KHDC1L: variants seen among roughly 807,000 people sequenced by gnomAD.
KHDC1L encodes the protein KHDC1-like protein.
In KHDC1L, 5 loss-of-function variants were observed where a neutral mutation model predicts 11.2. The ratio of observed to expected loss-of-function variants is 0.45; its 90% CI spans 0.23 to 0.94. KHDC1L has a LOEUF of 0.94. KHDC1L is among the 40% of genes least tolerant of loss of function. The pLI is 0.22. For synonymous variants in KHDC1L, 66 were observed against 62.7 expected (o/e 1.05, Z -0.25); for missense variants, 168 against 165.8 (o/e 1.01, Z -0.07).
At chr6:73,223,911 C>T in intron 2 of KHDC1L, 72 bp from the exon 3 acceptor site, 2 of 1,295,504 alleles carry the variant, frequency 1.5e-6, no homozygotes, top group Non-Finnish European at 2.2e-6. Context: ...CCAGACTCCA[C>T]CAGGAAGGTT....
intron 2 of KHDC1L, 56 bp downstream of exon 2, chr6:73,224,110 A>C (rs1389246045): frequency 2.0e-6 from 3 of 1,488,796 alleles, no homozygotes; most frequent in South Asian, 1.4e-5. Context: ...CACACAACAC[A>C]GCCAGAACTC....
Position 73,225,281 on chromosome 6 carries a change from G to A in KHDC1L, c.112+16C>T. On this transcript the variant is annotated intron_variant, in intron 1 of 2. Transcript: ENST00000370388. The stretch of plus-strand genomic sequence containing the variant: ...AAAAACAGATGAAGGAGGGGACGTG[G>A]GCAAAGGCCACTCACCGAAGATGAG... 1.2e-6 allele frequency: 2 copies of A among 1,610,522 alleles called. No homozygotes were observed. Among genetic ancestry groups the A allele is most frequent in the Non-Finnish European group, 1.7e-6 (2 of 1,177,472 alleles).
chr6:73,225,271 AG>A (rs1384774123), intron 1 of KHDC1L, 25 bp downstream of exon 1: 6 of 1,597,946 alleles, frequency 3.8e-6, no homozygotes, highest in Middle Eastern at 1.7e-4. Context: ...CAGATGAAGG[AG>A]GGGACGTGGG....
intron 1 of KHDC1L, among the ~76,000 whole-genome samples, chr6:73,225,000 G>A (rs1209351009): frequency 2.0e-5 from 3 of 149,460 alleles, no homozygotes; most frequent in African/African-American, 7.4e-5. Context: ...AGAGAATGGC[G>A]TGAACCCGGG....
Position 73,223,697 on chromosome 6 carries a change from A to G in KHDC1L, c.*51T>C. ...CTTCAGTGTTTTTCATGTCTTTCTC[A>G]CCAAAAGCGAAGCCAAGACTTCTCC... On this transcript the variant is annotated 3_prime_UTR_variant, in exon 3 of 3. Transcript: ENST00000370388. The G allele has an allele frequency of 6.8e-7, 1 of 1,467,648 alleles. No individual in the cohort carries two copies. The highest frequency in any genetic ancestry group is 1.4e-5 in the African/African-American group (1 of 71,876). 90.9% of individuals were successfully genotyped at this position (1,467,648 alleles called of 1,614,324 possible). A position where few individuals can be genotyped will look rare whatever the true frequency, so the allele number is the denominator to read the frequency against.
rs1376779139 is a variant in KHDC1L at position 73,224,245 on chromosome 6, G to A, written c.216C>T (p.Val72=). The A allele has an allele frequency of 8.2e-6, 13 of 1,583,804 alleles. No homozygotes were observed. Among genetic ancestry groups the A allele is most frequent in the Non-Finnish European group, 1.0e-5 (12 of 1,163,966 alleles). The change falls in exon 2 of 3, where the codon GTC becomes GTT. Residue 72 remains valine, a synonymous_variant. Transcript: ENST00000370388. ...GCCACTGCTTTGCCATTGGTGGTCC[G>A]ACTACAGTCACACGTGTCTGGCCTG... ...TATGQTRVTV[V]GPPMAKQWLL... is the part of the protein sequence containing the mutation.
chr6:73,225,199 A>G, intron 1 of KHDC1L, 98 bp downstream of exon 1: 1 of 1,093,438 alleles, frequency 9.1e-7, no homozygotes, highest in Non-Finnish European at 1.3e-6. Context: ...CCCAAAAGGC[A>G]GACGTTGCAG....
In KHDC1L at chr6:73,224,152, C is replaced by T. The variant is rs760273053; in HGVS notation, c.295+14G>A. 3.2e-6 allele frequency: 5 copies of T among 1,540,984 alleles called. No individual in the cohort carries two copies. In the South Asian group the frequency reaches 6.2e-5, roughly 19 times the overall value. ...CAAGCCCTCCACCTCCACAGTTCGG[C>T]CAAGGATACCTACCTCGAGCGTGAC... is the stretch of plus-strand genomic sequence containing the variant. On this transcript the variant is annotated intron_variant, in intron 2 of 2. Transcript: ENST00000370388.
chr6:73,223,559 G>A lies in KHDC1L; in HGVS notation c.*189C>T, dbSNP rs1056979383. The A allele has an allele frequency of 2.3e-5, 13 of 555,826 alleles. No individual in the cohort carries two copies. Among genetic ancestry groups the A allele is most frequent in the Non-Finnish European group, 3.6e-5 (11 of 308,346 alleles). 34.4% of individuals were successfully genotyped at this position (555,826 alleles called of 1,614,324 possible). On this transcript the variant is annotated 3_prime_UTR_variant, in exon 3 of 3. Coordinates refer to ENST00000370388, the MANE Select transcript of KHDC1L (RefSeq NM_001126063.3). ...CATCGAAGGCTTTGCATCATAGGTA[G>A]CTTATTTTATTGGATTGCTTTGCCA...
chr6:73,224,275 T>C lies in KHDC1L; in HGVS notation c.186A>G (p.Thr62=). ...CAGTCACACGTGTCTGGCCTGTAGC[T>C]GTGAAACACCTCTCCAGCTGAATAA... is the stretch of plus-strand genomic sequence containing the variant. ...HTLIQLERCF[T]ATGQTRVTVV... Residue 62 remains threonine, a synonymous_variant, in exon 2 of 3, where the codon ACA becomes ACG. Transcript: ENST00000370388. 1.9e-6 allele frequency: 3 copies of C among 1,597,468 alleles called. No homozygotes were observed. Among genetic ancestry groups the C allele is most frequent in the Non-Finnish European group, 2.6e-6 (3 of 1,171,422 alleles).
rs573967311 is a variant in KHDC1L at position 73,223,777 on chromosome 6, C to A, written c.358G>T (p.Val120Phe). ...PLTNDDLVTS[V>F]SLPPYTGD ...TCTCCGGTGTACGGTGGCAGGCTAA[C>A]GGAGGTGACCAGGTCATCATTGGTC... The change falls in exon 3 of 3, where the codon GTT (valine) becomes TTT (phenylalanine). Residue 120 changes from valine to phenylalanine, a missense_variant. Transcript: ENST00000370388. 2.9e-5 allele frequency: 47 copies of A among 1,607,554 alleles called. No homozygotes were observed. The Middle Eastern group carries it at 3.1e-3, about 107-fold the overall frequency.
At chr6:73,224,135 C>T (rs780652668) in intron 2 of KHDC1L, 31 bp downstream of exon 2, 21 of 1,520,456 alleles carry the variant, frequency 1.4e-5, no homozygotes, top group Non-Finnish European at 1.9e-5. Context: ...ATCAAGCCCT[C>T]CACCTCCACA....
Position 73,223,556 on chromosome 6 carries a change from G to T in KHDC1L, c.*192C>A. 3.6e-6 allele frequency: 2 copies of T among 551,424 alleles called. No homozygotes were observed. Among genetic ancestry groups the T allele is most frequent in the Non-Finnish European group, 6.5e-6 (2 of 305,860 alleles). 34.2% of individuals were successfully genotyped at this position (551,424 alleles called of 1,614,324 possible). Reference sequence around the variant, plus strand: ...GCACATCGAAGGCTTTGCATCATAGGTAGCTTATTTTATTGGATTGCTTTG... The same window carrying T: ...GCACATCGAAGGCTTTGCATCATAGTTAGCTTATTTTATTGGATTGCTTTG... On this transcript the variant is annotated 3_prime_UTR_variant, in exon 3 of 3. Transcript: ENST00000370388.
Position 73,225,484 on chromosome 6 carries a change from G to T in KHDC1L, c.-76C>A. The T allele has an allele frequency of 9.4e-7, 1 of 1,065,470 alleles. No individual in the cohort carries two copies. Among genetic ancestry groups the T allele is most frequent in the Non-Finnish European group, 1.4e-6 (1 of 699,530 alleles). 66.0% of individuals were successfully genotyped at this position (1,065,470 alleles called of 1,614,324 possible). On this transcript the variant is annotated 5_prime_UTR_variant, in exon 1 of 3. Coordinates refer to ENST00000370388, the MANE Select transcript of KHDC1L (RefSeq NM_001126063.3). ...GCAAAAGACTTGGAAAAGCGAGGAA[G>T]GGCCTAGGCTCTGTCCTTAAAAAGG...
In KHDC1L at chr6:73,225,411, T is replaced by C. The variant is rs760188736; in HGVS notation, c.-3A>G. The C allele has an allele frequency of 4.3e-5, 69 of 1,610,824 alleles. No homozygotes were observed. The Admixed American group carries it at 1.1e-3, about 26-fold the overall frequency. On this transcript the variant is annotated 5_prime_UTR_variant, in exon 1 of 3. Coordinates refer to ENST00000370388, the MANE Select transcript of KHDC1L (RefSeq NM_001126063.3). Reference sequence around the variant, plus strand: ...AGAGCACTCGTTCCCACGGCCATGCTGTGCTCCCACCTGATTCAGAATAGG... The same window carrying C: ...AGAGCACTCGTTCCCACGGCCATGCCGTGCTCCCACCTGATTCAGAATAGG...
rs764367685 is a variant in KHDC1L at position 73,223,801 on chromosome 6, T to G, written c.334A>C (p.Thr112Pro). Reference sequence around the variant, plus strand: ...ACGGAGGTGACCAGGTCATCATTGGTCAGGGGCTGGCTTCGGACACGCTCT... The same window carrying G: ...ACGGAGGTGACCAGGTCATCATTGGGCAGGGGCTGGCTTCGGACACGCTCT... The part of the protein sequence containing the change: ...MLERVRSQPL[T>P]NDDLVTSVSL... The change falls in exon 3 of 3, where the codon ACC (threonine) becomes CCC (proline). Residue 112 changes from threonine (T) to proline (P), a missense_variant. Coordinates refer to ENST00000370388, the MANE Select transcript of KHDC1L (RefSeq NM_001126063.3). 2.5e-6 allele frequency: 4 copies of G among 1,607,308 alleles called. No individual in the cohort carries two copies. The African/African-American group carries it at 5.3e-5, about 21-fold the overall frequency.
rs1442938674 is a variant in KHDC1L, at chr6:73,223,706, G to A, written c.*42C>T. 1.3e-5 allele frequency: 20 copies of A among 1,516,802 alleles called. No individual in the cohort carries two copies. The highest frequency in any genetic ancestry group is 2.7e-5 in the African/African-American group (2 of 72,866). The allele number at this position is 1,516,802 out of a possible 1,614,324, so 94.0% of individuals were successfully genotyped here. On this transcript the variant is annotated 3_prime_UTR_variant, in exon 3 of 3. Coordinates refer to ENST00000370388, the MANE Select transcript of KHDC1L (RefSeq NM_001126063.3). The stretch of plus-strand genomic sequence containing the variant: ...TTTTCATGTCTTTCTCACCAAAAGC[G>A]AAGCCAAGACTTCTCCTCTCATCCC...
At chr6:73,224,871 G>A (rs1766333281) in intron 1 of KHDC1L, among the ~76,000 whole-genome samples, 1 of 149,040 alleles carries the variant, frequency 6.7e-6, no homozygotes. Context: ...CAGGAGGTGA[G>A]GAAATCGAGA....
chr6:73,224,008 G>A (rs758074398), intron 2 of KHDC1L, among the ~76,000 whole-genome samples, 158 bp downstream of exon 2: 6 of 152,088 alleles, frequency 3.9e-5, no homozygotes, highest in Non-Finnish European at 7.4e-5. Context: ...GCAATCGCAT[G>A]CCACAAAAAT....
Sources: gnomAD v4.1 joint callset for allele counts (sites outside exome capture counted in the v4.1 genomes callset) on GRCh38, gnomAD v4.1.1 for gene constraint, MANE v1.5 for transcripts, NCBI Gene and HGNC (gene_info 2026-07-23, HGNC 2026-07-21) for gene names.